EML3: variants seen among roughly 807,000 people sequenced by gnomAD.
EML3 encodes EMAP like 3, also known as echinoderm microtubule-associated protein-like 3.
EML3 carries 53 observed loss-of-function variants against 106.7 expected under a neutral mutation model. That is an observed-to-expected ratio of 0.50 (90% CI 0.40 to 0.62). The LOEUF (loss-of-function observed/expected upper bound fraction) is 0.62. Among genes scored for constraint, EML3 ranks in the 20% least tolerant of loss-of-function variants. The pLI is 0.00. For missense variants in EML3, 994 were observed against 1,209.1 expected (o/e 0.82, Z 2.64); for synonymous variants, 499 against 489.6 (o/e 1.02, Z -0.25).
In EML3 at chr11:62,611,529, C is replaced by G. The variant is rs547664291; in HGVS notation, c.90G>C (p.Met30Ile). 36 of 1,613,842 alleles carry G rather than the reference C, an allele frequency of 2.2e-5. No homozygotes were observed. In the African/African-American group the frequency reaches 3.6e-4, roughly 16 times the overall value. Residue 30 changes from methionine (M) to isoleucine (I), a missense_variant, in exon 2 of 22, where the codon ATG (methionine) becomes ATC (isoleucine). Met to Ile is a conservative substitution (Grantham distance 10). Coordinates refer to ENST00000394773, the MANE Select transcript of EML3 (RefSeq NM_153265.3). ...SQRLRVQEQE[M>I]ELVKAALAEA... is the part of the protein sequence containing the mutation. ...CTGCCAGGGCTGCCTTTACCAGTTC[C>G]ATCTCCTGCTCCTGCACCCGAAGCC...
At chr11:62,612,030 G>A in intron 1 of EML3, 2 of 372,848 alleles carry the variant, frequency 5.4e-6, no homozygotes, top group South Asian at 7.5e-5. Context: ...CGGGGTGCGG[G>A]AATGGAGTCA....
At chr11:62,610,462 C>T (rs915898707) in intron 4 of EML3, among the ~76,000 whole-genome samples, 3 of 152,154 alleles carry the variant, frequency 2.0e-5, no homozygotes, top group Admixed American at 6.5e-5. Flanking sequence ...TAGGGACAGC[C>T]GTCCATGAAA....
In EML3 at chr11:62,602,887, C is replaced by CGCCTAGCACAGCGGCCGGCCTCA. The variant is rs777691427; in HGVS notation, c.2357-21_2358dup (p.Val787Ter). 8.4e-5 allele frequency: 131 copies of CGCCTAGCACAGCGGCCGGCCTCA among 1,564,258 alleles called. No individual in the cohort carries two copies. The East Asian group carries it at 2.9e-3, about 35-fold the overall frequency. The stretch of plus-strand genomic sequence containing the variant: ...GTCCCATCGGAGCCGTCCGGCCAGA[C>CGCCTAGCACAGCGGCCGGCCTCA]GCCTAGCACAGCGGCCGGCCTCAGC... On this transcript the variant is annotated stop_gained and frameshift_variant and splice_region_variant, in exon 21 of 22. Coordinates refer to ENST00000394773, the MANE Select transcript of EML3 (RefSeq NM_153265.3). LOFTEE classifies it high-confidence loss of function.
Position 62,611,110 on chromosome 11 carries a change from C to A in EML3, c.429G>T (p.Leu143Phe). Reference protein sequence around the residue: ...SPGPPGILRPLQPPQRADTPR... With the variant: ...SPGPPGILRPFQPPQRADTPR... ...ACGTGTCAGCACGCTGTGGGGGCTG[C>A]AAGGGCCTGAGGATCCCCGGGGGGC... is the stretch of plus-strand genomic sequence containing the variant. The change falls in exon 3 of 22, where the codon TTG becomes TTT. Residue 143 changes from leucine (L) to phenylalanine (F), a missense_variant. Transcript: ENST00000394773. The A allele has an allele frequency of 6.3e-7, 1 of 1,597,288 alleles. No individual in the cohort carries two copies. Among genetic ancestry groups the A allele is most frequent in the Non-Finnish European group, 8.5e-7 (1 of 1,177,380 alleles).
At chr11:62,606,343 C>T (rs1942518171) in intron 12 of EML3, 129 bp from the exon 13 acceptor site, 1 of 1,050,734 alleles carries the variant, frequency 9.5e-7, no homozygotes, top group Non-Finnish European at 1.4e-6. Context: ...GTCTCATCCT[C>T]ATACTGCCAA....
Position 62,608,919 on chromosome 11 carries a change from C to T in EML3, c.929+43G>A, listed in dbSNP as rs374359266. The T allele has an allele frequency of 7.5e-5, 121 of 1,608,820 alleles. 1 individual carries two copies. The African/African-American group carries it at 1.4e-3, about 19-fold the overall frequency. ...CTTTTCTCCTGCTTCTCCATCCCCC[C>T]AGACCCTCTTCCTGCCAAGCCCACC... On this transcript the variant is annotated intron_variant, in intron 7 of 21. Transcript: ENST00000394773.
Position 62,611,335 on chromosome 11 carries a change from G to A in EML3, c.204C>T (p.Ala68=), listed in dbSNP as rs201693862. Reference sequence around the variant, plus strand: ...TGCACGTGGGTGGCAGTCCTGGGGGGGCTGCAAGACTGCTGGAGAGATGTT... The same window carrying A: ...TGCACGTGGGTGGCAGTCCTGGGGGAGCTGCAAGACTGCTGGAGAGATGTT... ...TPAPPGDSLA[A]PPGLPPTCTP... Residue 68 remains alanine, a synonymous_variant, in exon 3 of 22, where the codon GCC becomes GCT. Coordinates refer to ENST00000394773, the MANE Select transcript of EML3 (RefSeq NM_153265.3). 15 of 1,612,916 alleles carry A rather than the reference G, an allele frequency of 9.3e-6. No individual in the cohort carries two copies. The highest frequency in any genetic ancestry group is 5.3e-5 in the African/African-American group (4 of 74,904).
Position 62,602,881 on chromosome 11 carries a change from G to A in EML3, c.2365C>T (p.Pro789Ser). The change falls in exon 21 of 22, where the codon CCG (proline) becomes TCG (serine). Residue 789 changes from proline (P) to serine (S), a missense_variant. This residue lies in a region of EML3 where 713 missense variants were observed against 920.5 expected (regional missense o/e 0.77). Coordinates refer to ENST00000394773, the MANE Select transcript of EML3 (RefSeq NM_153265.3). Reference sequence around the variant, plus strand: ...ATGTCGGTCCCATCGGAGCCGTCCGGCCAGACGCCTAGCACAGCGGCCGGC... The same window carrying A: ...ATGTCGGTCCCATCGGAGCCGTCCGACCAGACGCCTAGCACAGCGGCCGGC... ...VLGFHVYGVW[P>S]DGSDGTDINS... 6.4e-7 allele frequency: 1 copy of A among 1,573,390 alleles called. No homozygotes were observed. The highest frequency in any genetic ancestry group is 8.6e-7 in the Non-Finnish European group (1 of 1,159,172).
chr11:62,611,970 T>G, intron 1 of EML3: 1 of 361,018 alleles, frequency 2.8e-6, no homozygotes, highest in East Asian at 5.6e-5. Context: ...CAAGCTCAGG[T>G]CTCCAGCGAA....
In EML3 at chr11:62,605,220, C is replaced by T; in HGVS notation, c.1915-40G>A. 1 of 1,599,482 alleles carries T rather than the reference C, an allele frequency of 6.3e-7. No individual in the cohort carries two copies. Among genetic ancestry groups the T allele is most frequent in the Non-Finnish European group, 8.5e-7 (1 of 1,171,352 alleles). ...AAGGTGAATTCAAGATGATGTCTTT[C>T]TAGTGAGGGAACCAGAGTGAACCCC... On this transcript the variant is annotated intron_variant, in intron 15 of 21. Transcript: ENST00000394773. This position sits in a 1 kb window ranked among gnomAD's most constrained non-coding sequence, Gnocchi z 5.2.
At chr11:62,603,363 T>C (rs1942342873) in intron 19 of EML3, 116 bp from the exon 20 acceptor site, 1 of 949,826 alleles carries the variant, frequency 1.1e-6, no homozygotes, top group Non-Finnish European at 1.6e-6. Context: ...TGTGATCTGG[T>C]CACCGTAGTA....
intron 4 of EML3, 25 bp downstream of exon 4, chr11:62,610,850 GGGGT>G: frequency 6.4e-7 from 1 of 1,552,914 alleles, no homozygotes; most frequent in South Asian, 1.2e-5. Context: ...CGCCTGGGGC[GGGGT>G]GGGTTGAGGG....
At position 62,608,824 on chromosome 11, in the gene EML3, A is replaced by G. The variant is rs1304955896; in HGVS notation, c.930-19T>C. ...AGCAAGGCTAAGGCAGGGGGAAGAC[A>G]CTCTAGGGAAAGGGTCTCTCAAGAC... On this transcript the variant is annotated intron_variant, in intron 7 of 21. Transcript: ENST00000394773. 1.3e-6 allele frequency: 2 copies of G among 1,564,476 alleles called. No homozygotes were observed. The highest frequency in any genetic ancestry group is 1.7e-6 in the Non-Finnish European group (2 of 1,152,878).
intron 16 of EML3, 23 bp from the exon 17 acceptor site, chr11:62,604,224 C>T: frequency 1.2e-6 from 2 of 1,612,244 alleles, no homozygotes; most frequent in Non-Finnish European, 1.7e-6. Context: ...GAAGTGGAGG[C>T]AGATAGGAAG....
chr11:62,606,168 G>C lies in EML3; in HGVS notation c.1551C>G (p.Ile517Met). Residue 517 changes from isoleucine (I) to methionine (M), a missense_variant, in exon 13 of 22, where the codon ATC becomes ATG. By Grantham distance (10) the Ile-to-Met change is conservative. This residue lies in a region of EML3 where 713 missense variants were observed against 920.5 expected (regional missense o/e 0.77). Coordinates refer to ENST00000394773, the MANE Select transcript of EML3 (RefSeq NM_153265.3). The stretch of plus-strand genomic sequence containing the variant: ...CGTCCCTCCGGAGACACAAGGCGAA[G>C]ATAGAACCTTCATGAGCGTGAGCCT... ...VAQAHAHEGS[I>M]FALCLRRDGT... 6.2e-7 allele frequency: 1 copy of C among 1,614,100 alleles called. No homozygotes were observed. The highest frequency in any genetic ancestry group is 2.2e-5 in the East Asian group (1 of 44,888).
chr11:62,602,751 G>A lies in EML3; in HGVS notation c.2487+8C>T. 1.9e-6 allele frequency: 3 copies of A among 1,610,556 alleles called. No homozygotes were observed. Among genetic ancestry groups the A allele is most frequent in the Non-Finnish European group, 2.5e-6 (3 of 1,179,046 alleles). ...CCGGTCCCACCCCGGCGATCCCCGC[G>A]GCCTCACCTTGGCACGAGCGCACGG... is the stretch of plus-strand genomic sequence containing the variant. On this transcript the variant is annotated splice_region_variant and intron_variant, in intron 21 of 21. Coordinates refer to ENST00000394773, the MANE Select transcript of EML3 (RefSeq NM_153265.3).
chr11:62,606,123 G>A lies in EML3; in HGVS notation c.1596C>T (p.Gly532=), dbSNP rs777119904. The A allele has an allele frequency of 1.7e-5, 28 of 1,614,064 alleles. No individual in the cohort carries two copies. The South Asian group carries it at 2.0e-4, about 11-fold the overall frequency. The change falls in exon 13 of 22, where the codon GGC becomes GGT. Residue 532 remains glycine (G), a synonymous_variant. Coordinates refer to ENST00000394773, the MANE Select transcript of EML3 (RefSeq NM_153265.3). ...LRRDGTVLSG[G]GRDRRLVQWG... is the part of the protein sequence containing the mutation. ...ACTGTACCAGCCGGCGGTCCCGCCC[G>A]CCACCACTCAGCACTGTCCCGTCCC...
chr11:62,609,142 A>G lies in EML3; in HGVS notation c.759-10T>C. The G allele has an allele frequency of 6.2e-7, 1 of 1,613,668 alleles. No homozygotes were observed. The highest frequency in any genetic ancestry group is 8.5e-7 in the Non-Finnish European group (1 of 1,179,934). On this transcript the variant is annotated splice_polypyrimidine_tract_variant and intron_variant, in intron 6 of 21. Transcript: ENST00000394773. Reference sequence around the variant, plus strand: ...ACCCCTGTACCCATAACTGGGGTGGAGATCACGGTCAAGGAAAGGGTTAGA... The same window carrying G: ...ACCCCTGTACCCATAACTGGGGTGGGGATCACGGTCAAGGAAAGGGTTAGA...
rs143910613 is a variant in EML3, at chr11:62,605,924, C to G, written c.1713G>C (p.Leu571=). 38 of 1,614,118 alleles carry G rather than the reference C, an allele frequency of 2.4e-5. No homozygotes were observed. Among genetic ancestry groups the G allele is most frequent in the Non-Finnish European group, 3.1e-5 (37 of 1,180,064 alleles). ...ATGCATTCTTCGTGGTTCCCACCAGCAGCTCAGAGCCAAGCCCTTCAGCAA... is the reference window on the plus strand; with the variant it reads ...ATGCATTCTTCGTGGTTCCCACCAGGAGCTCAGAGCCAAGCCCTTCAGCAA... ...RAIAEGLGSE[L]LVGTTKNALL... The change falls in exon 14 of 22, where the codon CTG becomes CTC. Residue 571 remains leucine (L), a synonymous_variant. Coordinates refer to ENST00000394773, the MANE Select transcript of EML3 (RefSeq NM_153265.3). The surrounding 1 kb of genome is among the most constrained non-coding windows in gnomAD (Gnocchi z 5.2).
Sources: allele counts gnomAD v4.1 joint callset (sites outside exome capture counted in the v4.1 genomes callset), GRCh38; gene constraint gnomAD v4.1.1; regional missense constraint gnomAD v4.1.1; non-coding constraint Gnocchi (gnomAD v3.1); transcripts MANE v1.5; gene names NCBI Gene and HGNC (gene_info 2026-07-23, HGNC 2026-07-21).